The following HS1BP3 variants were observed in gnomAD, a reference collection of about 807,000 sequenced individuals.
HS1BP3 encodes the protein HCLS1-binding protein 3.
In HS1BP3, 32 loss-of-function variants were observed where a neutral mutation model predicts 33.5. The ratio of observed to expected loss-of-function variants is 0.95; its 90% confidence interval spans 0.72 to 1.28. The LOEUF (loss-of-function observed/expected upper bound fraction) is 1.28. Ranked by LOEUF, HS1BP3 falls within the 50% of genes most tolerant of loss-of-function variation. The pLI, the probability that HS1BP3 is intolerant of heterozygous loss-of-function variation, is 0.00. For missense variants in HS1BP3, 486 were observed against 502.3 expected (o/e 0.97, Z 0.31); for synonymous variants, 187 against 209.2 (o/e 0.89, Z 0.92).
intron 2 of HS1BP3, among the ~76,000 whole-genome samples, chr2:20,609,630 G>A (rs1294062586): frequency 2.0e-5 from 3 of 152,226 alleles, no homozygotes; most frequent in Non-Finnish European, 4.4e-5. Flanking sequence ...CCACCATGCA[G>A]TTAATTCTCC....
intron 3 of HS1BP3, among the ~76,000 whole-genome samples, chr2:20,596,679 C>T (rs946887284): frequency 6.6e-6 from 1 of 152,150 alleles, no homozygotes; most frequent in African/African-American, 2.4e-5. Flanking sequence ...TTATCTCTTC[C>T]CCCCACCCAC....
At chr2:20,590,588 T>TGGCCC (rs1451904855), downstream of HS1BP3, among the ~76,000 whole-genome samples, 1 of 152,236 alleles carries the variant, frequency 6.6e-6, no homozygotes, top group African/African-American at 2.4e-5. Context: ...CCTCATGGCA[T>TGGCCC]GGCCCGGCCC....
In HS1BP3 at chr2:20,644,642, T is replaced by G. The variant is rs1023041240; in HGVS notation, c.198+698A>C. Among the ~76,000 whole-genome samples, 14 of 152,346 alleles carry G rather than the reference T, an allele frequency of 9.2e-5. 1 individual carries two copies. The highest frequency in any genetic ancestry group is 1.8e-4 in the Non-Finnish European group (12 of 68,030). The stretch of plus-strand genomic sequence containing the variant: ...CTTTCCCTTCCATACCAAGTGCAAC[T>G]GGCCTGCTCCAAGCCCTTGATTTGG... On this transcript the variant is annotated intron_variant, in intron 2 of 6. Coordinates refer to ENST00000304031, the MANE Select transcript of HS1BP3 (RefSeq NM_022460.4).
At position 20,650,957 on chromosome 2, in the gene HS1BP3, G is replaced by A. The variant is rs1695675978; in HGVS notation, c.32+75C>T. 2.5e-6 allele frequency: 3 copies of A among 1,177,758 alleles called. No homozygotes were observed. The Admixed American group carries it at 1.3e-4, about 50-fold the overall frequency. The allele number at this position is 1,177,758 out of a possible 1,614,324, so 73.0% of individuals were successfully genotyped here. On this transcript the variant is annotated intron_variant, in intron 1 of 6. Transcript: ENST00000304031. ...CCAGGTCCCTGGCCTAGGAGGCGGCGGCCTCCCCCCGCCTCTCCGCCCGGG... is the reference window on the plus strand; with the variant it reads ...CCAGGTCCCTGGCCTAGGAGGCGGCAGCCTCCCCCCGCCTCTCCGCCCGGG...
intron 4 of HS1BP3, among the ~76,000 whole-genome samples, chr2:20,628,179 C>T (rs561472688): frequency 2.0e-5 from 3 of 152,088 alleles, no homozygotes; most frequent in Non-Finnish European, 4.4e-5. Flanking sequence ...CCTTTGATGG[C>T]GAGCACTCAC....
chr2:20,583,412 A>G (rs1693582537), intron 5 of HS1BP3, among the ~76,000 whole-genome samples: 1 of 140,772 alleles, frequency 7.1e-6, no homozygotes, highest in Non-Finnish European at 1.5e-5. Flanking sequence ...CTGGAGAGCC[A>G]GGCAGGAACC....
At chr2:20,640,725 G>A in intron 3 of HS1BP3, 1 of 607,244 alleles carries the variant, frequency 1.6e-6, no homozygotes, top group Non-Finnish European at 3.0e-6. Flanking sequence ...CCATGGATGG[G>A]GTCACACTAT....
chr2:20,599,338 A>G (rs970913806), intron 2 of HS1BP3, among the ~76,000 whole-genome samples: 1 of 152,242 alleles, frequency 6.6e-6, no homozygotes, highest in African/African-American at 2.4e-5. Context: ...CCTGCCAGCC[A>G]CAGGCAGCCA....
intron 3 of HS1BP3, chr2:20,640,659 G>A (rs1040617073): frequency 9.0e-6 from 5 of 557,702 alleles, no homozygotes; most frequent in South Asian, 3.0e-5. Context: ...TGTATGTGGT[G>A]CATGGTCAGT....
intron 5 of HS1BP3, among the ~76,000 whole-genome samples, chr2:20,582,945 C>T (rs1324796815): frequency 6.6e-6 from 1 of 152,108 alleles, no homozygotes; most frequent in African/African-American, 2.4e-5. Context: ...GGAGTCCCAA[C>T]CCTCTGCCAC....
At chr2:20,555,979 ATGTG>A (rs1433691946), downstream of HS1BP3, among the ~76,000 whole-genome samples, 1 of 152,172 alleles carries the variant, frequency 6.6e-6, no homozygotes, top group Non-Finnish European at 1.5e-5. Context: ...TATTGAGTCT[ATGTG>A]TGAAGGTAAA....
In HS1BP3 at chr2:20,595,866, C is replaced by CA. The variant is rs1019016909; in HGVS notation, c.*12+2341dup. Among the ~76,000 whole-genome samples the CA allele has an allele frequency of 2.9e-4, 44 of 151,172 alleles. 1 individual carries two copies. Among genetic ancestry groups the CA allele is most frequent in the African/African-American group, 9.7e-4 (40 of 41,278 alleles). Reference sequence around the variant, plus strand: ...GGGGCCCCTGACACCTCCAAGTGGCCAAAAAAAAGGTCATACCAGGAGACA... The same window carrying CA: ...GGGGCCCCTGACACCTCCAAGTGGCCAAAAAAAAAGGTCATACCAGGAGACA... On this transcript the variant is annotated intron_variant, in intron 3 of 3. Coordinates refer to the HS1BP3 transcript ENST00000415264.
chr2:20,606,405 C>A, intron 2 of HS1BP3: 1 of 474,392 alleles, frequency 2.1e-6, no homozygotes, highest in South Asian at 1.7e-5. Flanking sequence ...GCTGCCCTGG[C>A]CAGGGAGACT....
Position 20,629,394 on chromosome 2 carries a change from G to A in HS1BP3, c.624-4502C>T, listed in dbSNP as rs935394389. The stretch of plus-strand genomic sequence containing the variant: ...CTCTGCAGTGCCCGCCCTCCAGCCC[G>A]CCCTCTGCACTGACAGGAGACAAAG... On this transcript the variant is annotated intron_variant, in intron 4 of 6. Transcript: ENST00000304031. Among the ~76,000 whole-genome samples the A allele has an allele frequency of 4.7e-4, 72 of 152,178 alleles. 1 individual carries two copies. The highest frequency in any genetic ancestry group is 1.6e-3 in the African/African-American group (66 of 41,520).
At chr2:20,574,704 G>A (rs185754166) in intron 5 of HS1BP3, among the ~76,000 whole-genome samples, 1 of 152,354 alleles carries the variant, frequency 6.6e-6, no homozygotes, top group East Asian at 1.9e-4. Flanking sequence ...TCCCCCAGCA[G>A]CACCCGGGCA....
rs146542146 is a variant in HS1BP3 at position 20,630,164 on chromosome 2, C to T, written c.624-5272G>A. Among the ~76,000 whole-genome samples the T allele has an allele frequency of 5.3e-5, 8 of 152,360 alleles. No individual in the cohort carries two copies. The East Asian group carries it at 7.7e-4, about 15-fold the overall frequency. ...AGCCAGGGTGCAGCTTAACCAAATACGGAAATCCACCTCCTTGCCAATGAT... is the reference window on the plus strand; with the variant it reads ...AGCCAGGGTGCAGCTTAACCAAATATGGAAATCCACCTCCTTGCCAATGAT... On this transcript the variant is annotated intron_variant, in intron 4 of 6. Transcript: ENST00000304031.
downstream of HS1BP3, among the ~76,000 whole-genome samples, chr2:20,616,358 C>T (rs1443418308): frequency 1.3e-5 from 2 of 152,198 alleles, no homozygotes; most frequent in Admixed American, 1.3e-4. Flanking sequence ...TTTCAGTTGA[C>T]AGAACTCTCT....
At chr2:20,597,335 T>C (rs1374039174) in intron 3 of HS1BP3, among the ~76,000 whole-genome samples, 1 of 152,232 alleles carries the variant, frequency 6.6e-6, no homozygotes, top group East Asian at 1.9e-4. Context: ...TGATTTTGTC[T>C]AAATTTATCA....
Position 20,623,973 on chromosome 2 carries a change from G to A in HS1BP3, c.843C>T (p.Leu281=), listed in dbSNP as rs375358172. The change falls in exon 6 of 7, where the codon CTC becomes CTT. Residue 281 remains leucine, a synonymous_variant. Coordinates refer to ENST00000304031, the MANE Select transcript of HS1BP3 (RefSeq NM_022460.4). The part of the protein sequence containing the change: ...LGGAIPLGDS[L]LLPAACESGG... ...CACTCTCACAGGCGGCTGGCAGCAG[G>A]AGGGAGTCACCCAGGGGGATGGCCC... 4.1e-5 allele frequency: 66 copies of A among 1,612,214 alleles called. No homozygotes were observed. The Admixed American group carries it at 5.0e-4, about 12-fold the overall frequency.
Sources: gnomAD v4.1 joint callset for allele counts (sites outside exome capture counted in the v4.1 genomes callset) on GRCh38, gnomAD v4.1.1 for gene constraint, MANE v1.5 for transcripts, NCBI Gene and HGNC (gene_info 2026-07-23, HGNC 2026-07-21) for gene names.